Variants in TMPRSS15 observed in about 807,000 individuals in gnomAD.
TMPRSS15 encodes enteropeptidase.
In TMPRSS15, 128 loss-of-function variants were observed where a neutral mutation model predicts 125.3. That is an observed-to-expected ratio of 1.02 (90% CI 0.89 to 1.18). The LOEUF is 1.18. Among genes scored for constraint, TMPRSS15 ranks in the 50% most tolerant of loss-of-function variants. The pLI is 0.00. For missense variants in TMPRSS15, 1,283 were observed against 1,212.7 expected (o/e 1.06, Z -0.86); for synonymous variants, 446 against 423.2 (o/e 1.05, Z -0.66).
At position 18,329,452 on chromosome 21, in the gene TMPRSS15, A is replaced by AT. The variant is rs201070040; in HGVS notation, c.1655-159dup. On this transcript the variant is annotated intron_variant, in intron 14 of 24. Transcript: ENST00000284885. ...AAGGTGTTTCTTTTTTCTTTTCATT[A>AT]TTTTTTTTTTGGTAAGAAAATATAT... Among the ~76,000 whole-genome samples, 170 of 122,042 alleles carry AT rather than the reference A, an allele frequency of 1.4e-3. 1 individual carries two copies. Among genetic ancestry groups the AT allele is most frequent in the African/African-American group, 3.1e-3 (100 of 31,972 alleles). 80.1% of individuals were successfully genotyped at this position (122,042 alleles called of 152,430 possible).
chr21:18,390,687 C>T (rs1472280771), intron 3 of TMPRSS15, among the ~76,000 whole-genome samples: 1 of 151,896 alleles, frequency 6.6e-6, no homozygotes, highest in African/African-American at 2.4e-5. Context: ...GTTAAGTGTC[C>T]CAGGGAAGGC....
At chr21:18,409,370 G>GA (rs1239106772) in intron 1 of TMPRSS15, among the ~76,000 whole-genome samples, 6 of 151,736 alleles carry the variant, frequency 4.0e-5, no homozygotes, top group Admixed American at 6.6e-5. Context: ...TTTATCTCAG[G>GA]AAAAAAATCC....
chr21:18,398,129 G>A (rs1273326766), intron 2 of TMPRSS15, 70 bp downstream of exon 2: 2 of 1,546,668 alleles, frequency 1.3e-6, no homozygotes, highest in East Asian at 2.2e-5. Flanking sequence ...GTTTCACAGT[G>A]AGAAAATGGT....
intron 16 of TMPRSS15, among the ~76,000 whole-genome samples, chr21:18,324,334 C>A (rs897874354): frequency 5.9e-5 from 9 of 152,118 alleles, no homozygotes; most frequent in African/African-American, 2.2e-4. Context: ...CTTCATCATG[C>A]TTTCCTGCAG....
intron 22 of TMPRSS15, 35 bp from the exon 23 acceptor site, chr21:18,279,094 G>A (rs779457622): frequency 1.1e-5 from 12 of 1,091,018 alleles, no homozygotes; most frequent in Admixed American, 7.0e-5. Flanking sequence ...ACGAACAAAC[G>A]AAGAAAAAGA....
intron 24 of TMPRSS15, 83 bp from the exon 25 acceptor site, chr21:18,270,207 A>T: frequency 1.7e-6 from 2 of 1,186,404 alleles, no homozygotes; most frequent in East Asian, 2.6e-5. Flanking sequence ...CAAATAAATT[A>T]AAAAATAAAA....
upstream of TMPRSS15, among the ~76,000 whole-genome samples, chr21:18,405,041 C>T (rs940639496): frequency 7.2e-5 from 11 of 152,170 alleles, no homozygotes; most frequent in African/African-American, 2.6e-4. Context: ...CTACAAAAAG[C>T]GCCTCTTGAA....
intron 19 of TMPRSS15, 32 bp downstream of exon 19, chr21:18,297,702 C>T (rs750986066): frequency 6.6e-7 from 1 of 1,515,132 alleles, no homozygotes; most frequent in South Asian, 1.1e-5. Flanking sequence ...TGTCTATGTA[C>T]AACTAGTCTA....
chr21:18,404,916 A>T (rs960803763), upstream of TMPRSS15, among the ~76,000 whole-genome samples: 1 of 152,070 alleles, frequency 6.6e-6, no homozygotes, highest in Non-Finnish European at 1.5e-5. Flanking sequence ...TTAAATATAT[A>T]TATGAAATAT....
intron 10 of TMPRSS15, among the ~76,000 whole-genome samples, chr21:18,350,522 T>A (rs1240759583): frequency 6.6e-6 from 1 of 152,156 alleles, no homozygotes; most frequent in East Asian, 1.9e-4. Context: ...TCGCACAAAC[T>A]ATCTTTCAAC....
chr21:18,476,120 A>G (rs1387800780), intron 1 of TMPRSS15, among the ~76,000 whole-genome samples: 2 of 152,182 alleles, frequency 1.3e-5, no homozygotes, highest in East Asian at 3.8e-4. Flanking sequence ...AACAGCATTA[A>G]GAAATCATAT....
intron 1 of TMPRSS15, among the ~76,000 whole-genome samples, chr21:18,428,417 CA>C (rs1238056623): frequency 2.0e-5 from 3 of 152,166 alleles, no homozygotes; most frequent in Non-Finnish European, 4.4e-5. Context: ...TGTTAATCAC[CA>C]AGACAATGGG....
chr21:18,473,700 G>T (rs1316719750), intron 1 of TMPRSS15, among the ~76,000 whole-genome samples: 1 of 151,934 alleles, frequency 6.6e-6, no homozygotes, highest in Non-Finnish European at 1.5e-5. Flanking sequence ...AGGTAAAATT[G>T]GTTGTGCAAC....
intron 6 of TMPRSS15, among the ~76,000 whole-genome samples, chr21:18,367,913 A>G (rs1235089583): frequency 6.6e-6 from 1 of 152,160 alleles, no homozygotes; most frequent in Non-Finnish European, 1.5e-5. Flanking sequence ...CACAATATAT[A>G]TATACATCTA....
At chr21:18,325,548 T>C (rs536238065) in intron 16 of TMPRSS15, among the ~76,000 whole-genome samples, 8 of 152,156 alleles carry the variant, frequency 5.3e-5, no homozygotes, top group Non-Finnish European at 1.2e-4. Context: ...AGATGAACTA[T>C]CCAACCCTAC....
intron 1 of TMPRSS15, among the ~76,000 whole-genome samples, chr21:18,477,091 A>G (rs939963043): frequency 6.6e-6 from 1 of 152,158 alleles, no homozygotes; most frequent in Non-Finnish European, 1.5e-5. Flanking sequence ...GGCAAAAGTT[A>G]ATATGATACG....
At chr21:18,441,480 C>A (rs938627385) in intron 1 of TMPRSS15, among the ~76,000 whole-genome samples, 1 of 149,230 alleles carries the variant, frequency 6.7e-6, no homozygotes, top group Admixed American at 6.7e-5. Context: ...GTGGTGTGCA[C>A]CTTGTAATCC....
At chr21:18,381,876 T>G (rs1232742942) in intron 4 of TMPRSS15, among the ~76,000 whole-genome samples, 2 of 151,986 alleles carry the variant, frequency 1.3e-5, no homozygotes, top group African/African-American at 2.4e-5. Context: ...AACTAACAGG[T>G]GCTAGGCTTA....
intron 24 of TMPRSS15, among the ~76,000 whole-genome samples, chr21:18,273,927 T>C (rs1568974576): frequency 6.6e-6 from 1 of 152,222 alleles, no homozygotes; most frequent in East Asian, 1.9e-4. Context: ...ACAGATGATC[T>C]GAATAAGCGT....
Sources: allele counts gnomAD v4.1 joint callset (sites outside exome capture counted in the v4.1 genomes callset), GRCh38; gene constraint gnomAD v4.1.1; transcripts MANE v1.5; gene names NCBI Gene and HGNC (gene_info 2026-07-23, HGNC 2026-07-21).